Variants in ATOSA observed in about 807,000 individuals in gnomAD.
ATOSA encodes atos homolog protein A.
chr15:52,667,397 C>T, the ATOSA span, among the ~76,000 whole-genome samples: 3 of 152,098 alleles, frequency 2.0e-5, no homozygotes. Context: ...GGCAATGTGA[C>T]TAAAGATGTT....
chr15:52,651,733 G>A, the ATOSA span: 1 of 829,352 alleles, frequency 1.2e-6, no homozygotes, highest in Non-Finnish European at 1.9e-6. Flanking sequence ...AAGTTCAATG[G>A]TTTTCAAAGT....
At chr15:52,588,284 GT>G in the ATOSA span, among the ~76,000 whole-genome samples, 1 of 152,188 alleles carries the variant, frequency 6.6e-6, no homozygotes, top group Admixed American at 6.5e-5. Context: ...TTCTCAGGAT[GT>G]TCTCCTTACT....
chr15:52,680,380 T>TA, the ATOSA span, among the ~76,000 whole-genome samples: 1 of 152,192 alleles, frequency 6.6e-6, no homozygotes. Context: ...GTTTTTTTTT[T>TA]AGATATAATT....
the ATOSA span, chr15:52,601,292 CTTAT>C: frequency 1.7e-6 from 1 of 596,942 alleles, no homozygotes; most frequent in Non-Finnish European, 2.9e-6. Flanking sequence ...CCTATAATAG[CTTAT>C]TTAAAATCAT....
chr15:52,584,449 A>C, the ATOSA span, among the ~76,000 whole-genome samples: 2 of 152,150 alleles, frequency 1.3e-5, no homozygotes, highest in Non-Finnish European at 2.9e-5. Context: ...CTCGTATTAC[A>C]TTTTTAAATA....
At chr15:52,612,016 G>C in the ATOSA span, among the ~76,000 whole-genome samples, 33 of 152,080 alleles carry the variant, frequency 2.2e-4, no homozygotes, top group Non-Finnish European at 4.1e-4. Flanking sequence ...ACTGAGACTT[G>C]CTCTGTCGCC....
the ATOSA span, among the ~76,000 whole-genome samples, chr15:52,591,229 A>G: frequency 6.6e-6 from 1 of 152,088 alleles, no homozygotes; most frequent in African/African-American, 2.4e-5. Context: ...AGATCACAGT[A>G]TTTTATTTTA....
chr15:52,597,571 C>G, the ATOSA span, among the ~76,000 whole-genome samples: 1 of 152,112 alleles, frequency 6.6e-6, no homozygotes, highest in Admixed American at 6.6e-5. Flanking sequence ...ATAGAATATA[C>G]AAGCTATTTT....
At chr15:52,599,663 T>C in the ATOSA span, among the ~76,000 whole-genome samples, 13,891 of 152,212 alleles carry the variant, frequency 0.091, 976 homozygotes, top group East Asian at 0.35. Flanking sequence ...GAAATCTTTA[T>C]TTGAATTTTT....
At chr15:52,664,654 A>G in the ATOSA span, among the ~76,000 whole-genome samples, 1 of 152,178 alleles carries the variant, frequency 6.6e-6, no homozygotes, top group Non-Finnish European at 1.5e-5. Context: ...CAAGAATACC[A>G]TCTAGAGTGT....
the ATOSA span, among the ~76,000 whole-genome samples, chr15:52,676,951 T>C: frequency 6.6e-6 from 1 of 152,200 alleles, no homozygotes; most frequent in Admixed American, 6.5e-5. Flanking sequence ...TTACTAATAC[T>C]TGATACATAC....
At chr15:52,628,179 GC>G in the ATOSA span, among the ~76,000 whole-genome samples, 1 of 151,998 alleles carries the variant, frequency 6.6e-6, no homozygotes, top group African/African-American at 2.4e-5. Flanking sequence ...ATTGTATCAG[GC>G]CCACACACAC....
the ATOSA span, among the ~76,000 whole-genome samples, chr15:52,655,508 G>C: frequency 1.3e-5 from 2 of 152,114 alleles, no homozygotes; most frequent in African/African-American, 2.4e-5. Flanking sequence ...CACTGAACTA[G>C]GGACCATCGA....
chr15:52,599,950 C>T, the ATOSA span, among the ~76,000 whole-genome samples: 1 of 152,200 alleles, frequency 6.6e-6, no homozygotes, highest in Non-Finnish European at 1.5e-5. Context: ...TAAGACATCA[C>T]TGCCAACAAT....
the ATOSA span, chr15:52,651,795 A>G: frequency 7.1e-7 from 1 of 1,413,170 alleles, no homozygotes; most frequent in Non-Finnish European, 9.6e-7. Flanking sequence ...AGCAAGCACC[A>G]CAGCCAACTG....
chr15:52,608,731 T>C, the ATOSA span: 110 of 1,612,166 alleles, frequency 6.8e-5, no homozygotes, highest in Non-Finnish European at 8.8e-5. Flanking sequence ...ATTATCTTTA[T>C]TGAGATAATT....
chr15:52,588,721 G>A, the ATOSA span, among the ~76,000 whole-genome samples: 1 of 152,224 alleles, frequency 6.6e-6, no homozygotes. Flanking sequence ...CAAAGTGCTG[G>A]GATGACAGGC....
At chr15:52,632,587 T>C in the ATOSA span, among the ~76,000 whole-genome samples, 2 of 152,322 alleles carry the variant, frequency 1.3e-5, no homozygotes, top group Admixed American at 1.3e-4. Flanking sequence ...CCTTTGATTT[T>C]TGGCACACTT....
At chr15:52,634,393 G>T in the ATOSA span, among the ~76,000 whole-genome samples, 1 of 151,432 alleles carries the variant, frequency 6.6e-6, no homozygotes, top group Non-Finnish European at 1.5e-5. Context: ...GACAAAGCGA[G>T]GAAAAAAGAA....
Sources: allele counts gnomAD v4.1 joint callset (sites outside exome capture counted in the v4.1 genomes callset), GRCh38; gene constraint gnomAD v4.1.1; transcripts MANE v1.5; gene names NCBI Gene and HGNC (gene_info 2026-07-23, HGNC 2026-07-21).